Variants in TRIM2 observed in about 807,000 individuals in gnomAD.
TRIM2 encodes the protein tripartite motif containing 2, also known as tripartite motif-containing protein 2.
In TRIM2, 20 loss-of-function variants were observed where a neutral mutation model predicts 75.2. That is an observed-to-expected ratio of 0.27 (90% CI 0.19 to 0.39). The LOEUF (loss-of-function observed/expected upper bound fraction) is 0.39, where lower values mean the gene tolerates loss of function less well. Among genes scored for constraint, TRIM2 ranks in the 10% least tolerant of loss-of-function variants. The pLI is 1.00. For synonymous variants in TRIM2, 373 were observed against 388.3 expected (o/e 0.96, Z 0.46); for missense variants, 660 against 990.8 (o/e 0.67, Z 4.48).
intron 6 of TRIM2, chr4:153,308,753 C>G: frequency 3.7e-6 from 2 of 535,086 alleles, no homozygotes; most frequent in Non-Finnish European, 7.6e-6. Flanking sequence ...ATTTCATGAA[C>G]AGCAGATATT....
chr4:153,325,276 A>G (rs1579746124), intron 10 of TRIM2, among the ~76,000 whole-genome samples: 2 of 152,158 alleles, frequency 1.3e-5, no homozygotes, highest in Admixed American at 1.3e-4. Context: ...GGCTGCGGAA[A>G]TGGGGTCAGG....
chr4:153,223,760 T>C (rs76318696), intron 1 of TRIM2, among the ~76,000 whole-genome samples: 5,375 of 152,296 alleles, frequency 0.035, 119 homozygotes, highest in Non-Finnish European at 0.047. Flanking sequence ...CAGGCCCCTT[T>C]GCTTTCCCGG....
intron 10 of TRIM2, among the ~76,000 whole-genome samples, chr4:153,325,369 G>A (rs1312397059): frequency 6.6e-6 from 1 of 152,156 alleles, no homozygotes; most frequent in East Asian, 1.9e-4. Flanking sequence ...TCACATGGTG[G>A]CATAGGTCCC....
chr4:153,212,048 C>T (rs566032295), intron 1 of TRIM2, among the ~76,000 whole-genome samples: 59 of 152,212 alleles, frequency 3.9e-4, no homozygotes, highest in Non-Finnish European at 6.6e-4. Context: ...TAGCTTCTGG[C>T]GGTAGGCTAC....
At chr4:153,314,889 G>C (rs539026966) in intron 6 of TRIM2, among the ~76,000 whole-genome samples, 36 of 152,236 alleles carry the variant, frequency 2.4e-4, no homozygotes, top group African/African-American at 8.2e-4. Flanking sequence ...TAGAATTTTG[G>C]CAAAACTGTA....
chr4:153,259,601 A>T (rs1051786778), intron 1 of TRIM2, among the ~76,000 whole-genome samples: 1 of 152,212 alleles, frequency 6.6e-6, no homozygotes, highest in Non-Finnish European at 1.5e-5. Context: ...ATATGACTTC[A>T]ATTACTTTTT....
In TRIM2 at chr4:153,294,377, C is replaced by T; in HGVS notation, c.678C>T (p.Ser226=). 6.2e-7 allele frequency: 1 copy of T among 1,614,186 alleles called. No individual in the cohort carries two copies. Among genetic ancestry groups the T allele is most frequent in the Non-Finnish European group, 8.5e-7 (1 of 1,180,028 alleles). The change falls in exon 5 of 12, where the codon AGC becomes AGT. Residue 226 remains serine (S), a synonymous_variant. Coordinates refer to ENST00000338700, the MANE Select transcript of TRIM2 (RefSeq NM_015271.5). Reference sequence around the variant, plus strand: ...ATCAGTTAACCAACCAAAAGGCCAGCATCGTGGATGACATTCATTCCACCT... The same window carrying T: ...ATCAGTTAACCAACCAAAAGGCCAGTATCGTGGATGACATTCATTCCACCT... The part of the protein sequence containing the change: ...IIHQLTNQKA[S]IVDDIHSTFD...
Position 153,173,693 on chromosome 4 carries a change from C to T in TRIM2, c.-49+20423C>T, listed in dbSNP as rs370794638. 6.6e-5 allele frequency among the ~76,000 whole-genome samples: 10 copies of T among 151,228 alleles called. No homozygotes were observed. In the East Asian group the frequency reaches 1.4e-3, roughly 21 times the overall value. Reference sequence around the variant, plus strand: ...TAATAATAATAATAATAAGGCCGGACGTGGTGGCTCACACCTGCAATCCCT... The same window carrying T: ...TAATAATAATAATAATAAGGCCGGATGTGGTGGCTCACACCTGCAATCCCT... On this transcript the variant is annotated intron_variant, in intron 1 of 11. Coordinates refer to the TRIM2 transcript ENST00000437508.
At chr4:153,270,689 T>C (rs1354148543) in intron 2 of TRIM2, among the ~76,000 whole-genome samples, 170 bp downstream of exon 2, 1 of 152,210 alleles carries the variant, frequency 6.6e-6, no homozygotes, top group Non-Finnish European at 1.5e-5. Flanking sequence ...TTTACTTTAT[T>C]TCAAACCATT....
In TRIM2 at chr4:153,169,065, C is replaced by T. The variant is rs560176095; in HGVS notation, c.-49+15795C>T. Among the ~76,000 whole-genome samples, 3 of 150,084 alleles carry T rather than the reference C, an allele frequency of 2.0e-5. No individual in the cohort carries two copies. In the South Asian group the frequency reaches 6.3e-4, roughly 31 times the overall value. ...CTGCACTCCCACCTGGATGACAGAG[C>T]GAGACTTATCTCAAAAAAAAAAGTC... On this transcript the variant is annotated intron_variant, in intron 1 of 11. Transcript: ENST00000437508.
intron 1 of TRIM2, among the ~76,000 whole-genome samples, chr4:153,268,132 G>A (rs952355823): frequency 2.6e-5 from 4 of 152,204 alleles, no homozygotes; most frequent in African/African-American, 9.7e-5. Flanking sequence ...ACCGGTCTGG[G>A]TGGTGTCAGC....
At chr4:153,244,435 CT>C (rs561166956) in intron 1 of TRIM2, among the ~76,000 whole-genome samples, 2 of 86,750 alleles carry the variant, frequency 2.3e-5, no homozygotes, top group East Asian at 6.3e-4. Context: ...TCTTCTTCTT[CT>C]TTTAATTAGA....
chr4:153,239,757 G>A lies in TRIM2; in HGVS notation c.31-30578G>A, dbSNP rs1005472619. ...AGGTATATACATGTCTCCTTTGTTC[G>A]TCTTTGCCTTAATAAGAAACAACAT... On this transcript the variant is annotated intron_variant, in intron 1 of 11. Transcript: ENST00000338700. 4.0e-5 allele frequency among the ~76,000 whole-genome samples: 6 copies of A among 150,708 alleles called. 1 individual carries two copies. Among genetic ancestry groups the A allele is most frequent in the Admixed American group, 1.3e-4 (2 of 15,142 alleles).
At position 153,270,362 on chromosome 4, in the gene TRIM2, G is replaced by A. The variant is rs113907606; in HGVS notation, c.58G>A (p.Gly20Ser). Residue 20 changes from glycine to serine, a missense_variant, in exon 2 of 12, where the codon GGC becomes AGC. Gly to Ser is a moderately conservative substitution (Grantham distance 56). Transcript: ENST00000338700. ...GCAGCGTGCAGGGTCAAAGACAGCC[G>A]GCCCCCCATGTCAGTGGTCTAGGAT... The part of the protein sequence containing the change: ...QQQRAGSKTA[G>S]PPCQWSRMAS... 9.9e-5 allele frequency: 160 copies of A among 1,612,938 alleles called. No homozygotes were observed. The highest frequency in any genetic ancestry group is 3.7e-4 in the Admixed American group (22 of 59,864).
At chr4:153,242,666 C>T (rs867344082) in intron 1 of TRIM2, among the ~76,000 whole-genome samples, 79 of 152,280 alleles carry the variant, frequency 5.2e-4, no homozygotes, top group African/African-American at 1.9e-3. Context: ...GGAACAGGCT[C>T]GACAGAACTA....
chr4:153,252,913 T>C (rs1290097459), intron 1 of TRIM2, among the ~76,000 whole-genome samples: 1 of 152,246 alleles, frequency 6.6e-6, no homozygotes, highest in Non-Finnish European at 1.5e-5. Context: ...CTTTATGTCA[T>C]ATTATGTCAT....
intron 1 of TRIM2, among the ~76,000 whole-genome samples, chr4:153,254,020 C>G (rs1751471369): frequency 6.6e-6 from 1 of 152,160 alleles, no homozygotes; most frequent in Non-Finnish European, 1.5e-5. Flanking sequence ...TCCAAGAACC[C>G]TCTCTTGGGG....
chr4:153,232,529 A>T (rs1240839046), intron 1 of TRIM2, among the ~76,000 whole-genome samples: 1 of 152,100 alleles, frequency 6.6e-6, no homozygotes, highest in Non-Finnish European at 1.5e-5. Context: ...ATTTTCAAAA[A>T]TAAAAAAAAT....
rs974937830 is a variant in TRIM2 at position 153,304,076 on chromosome 4, A to G, written c.1510+8040A>G. Reference sequence around the variant, plus strand: ...GGGGAGAAGGCTGGCATGTGGAAGGAAGTTAAGGAAGGTTCCTAGAGATGA... The same window carrying G: ...GGGGAGAAGGCTGGCATGTGGAAGGGAGTTAAGGAAGGTTCCTAGAGATGA... On this transcript the variant is annotated intron_variant, in intron 6 of 11. Coordinates refer to ENST00000338700, the MANE Select transcript of TRIM2 (RefSeq NM_015271.5). 2.6e-5 allele frequency among the ~76,000 whole-genome samples: 4 copies of G among 152,224 alleles called. No individual in the cohort carries two copies. In the South Asian group the frequency reaches 8.3e-4, roughly 32 times the overall value.
Sources: gnomAD v4.1 joint callset for allele counts (sites outside exome capture counted in the v4.1 genomes callset) on GRCh38, gnomAD v4.1.1 for gene constraint, MANE v1.5 for transcripts, NCBI Gene and HGNC (gene_info 2026-07-23, HGNC 2026-07-21) for gene names.